Variants in MED27 observed in about 807,000 individuals in gnomAD.
MED27 encodes the protein mediator complex subunit 27.
Under a neutral mutation model 38.2 loss-of-function variants are expected in MED27, and 30 were observed. The ratio of observed to expected loss-of-function variants is 0.79; its 90% CI spans 0.59 to 1.07. The LOEUF (loss-of-function observed/expected upper bound fraction) is 1.07. Among genes scored for constraint, MED27 ranks in the 50% least tolerant of loss-of-function variants. The probability of loss-of-function intolerance (pLI) is 0.00; values close to 1 mark genes in which losing one functional copy is unlikely to be tolerated. For synonymous variants in MED27, 122 were observed against 153.5 expected, an observed-to-expected ratio of 0.79 and a Z score of 1.52; for missense variants, 289 against 397.5, an observed-to-expected ratio of 0.73 and a Z score of 2.32.
intron 3 of MED27, among the ~76,000 whole-genome samples, chr9:131,939,815 T>G (rs1036535327): frequency 2.6e-5 from 4 of 152,136 alleles, no homozygotes; most frequent in African/African-American, 4.8e-5. Context: ...GTCCTGCTGT[T>G]GCGCACCTCC....
At chr9:131,869,942 A>T (rs1264969054) in intron 6 of MED27, among the ~76,000 whole-genome samples, 3 of 152,298 alleles carry the variant, frequency 2.0e-5, no homozygotes, top group African/African-American at 7.2e-5. Flanking sequence ...CTCTCTCAGC[A>T]TATCCAAACC....
At chr9:131,974,512 G>A (rs1042801451) in intron 3 of MED27, among the ~76,000 whole-genome samples, 1 of 152,216 alleles carries the variant, frequency 6.6e-6, no homozygotes, top group Non-Finnish European at 1.5e-5. Context: ...TGTTTTCAGA[G>A]TGAGAAGGGG....
In MED27 at chr9:131,890,943, G is replaced by C. The variant is rs543673713; in HGVS notation, c.681+2942C>G. On this transcript the variant is annotated intron_variant, in intron 5 of 7. Transcript: ENST00000292035. ...TTGTTAGTATTTTTATTAATTGCAA[G>C]ATGGACATGTAAATAATCATGATGC... Among the ~76,000 whole-genome samples, 83 of 152,368 alleles carry C rather than the reference G, an allele frequency of 5.4e-4. 1 individual carries two copies. The highest frequency in any genetic ancestry group is 1.7e-3 in the African/African-American group (72 of 41,584).
chr9:131,860,600 G>A lies in MED27; in HGVS notation c.874C>T (p.Leu292Phe), dbSNP rs201495290. The change falls in exon 8 of 8, where the codon CTT becomes TTT. Residue 292 changes from leucine to phenylalanine, a missense_variant. Physicochemically the swap from Leu to Phe is conservative, Grantham distance 22. Coordinates refer to ENST00000292035, the MANE Select transcript of MED27 (RefSeq NM_004269.4). The surrounding 1 kb of genome is among the most constrained non-coding windows in gnomAD (Gnocchi z 5.8). ...CGGAAATCCCTCCATGTCGGGGGAA[G>A]GCCGTCCTGCAGAAACTTCCCGCAG... ...QRCGKFLQDG[L>F]PPTWRDFRTL... The A allele has an allele frequency of 6.2e-7, 1 of 1,607,406 alleles. No homozygotes were observed. The highest frequency in any genetic ancestry group is 2.2e-5 in the East Asian group (1 of 44,604).
At chr9:131,870,796 T>C (rs563495706) in intron 6 of MED27, among the ~76,000 whole-genome samples, 236 of 152,330 alleles carry the variant, frequency 1.5e-3, no homozygotes, top group Middle Eastern at 0.01. Flanking sequence ...TTATACAATG[T>C]TCCTTCCACC....
At chr9:131,987,096 A>T (rs992571083) in intron 3 of MED27, among the ~76,000 whole-genome samples, 1 of 145,430 alleles carries the variant, frequency 6.9e-6, no homozygotes, top group Non-Finnish European at 1.5e-5. Flanking sequence ...CTTTCCCCCA[A>T]ATTTTGCACT....
chr9:132,009,166 C>T (rs777570476), intron 3 of MED27, among the ~76,000 whole-genome samples: 7 of 152,150 alleles, frequency 4.6e-5, no homozygotes, highest in Admixed American at 2.0e-4. Flanking sequence ...TATTCATCTC[C>T]GAATCCCCAG....
chr9:132,068,471 A>G (rs1426206984), intron 2 of MED27, among the ~76,000 whole-genome samples: 1 of 152,178 alleles, frequency 6.6e-6, no homozygotes, highest in East Asian at 1.9e-4. Context: ...TAGAAAGGGT[A>G]GACTACAGGC....
At chr9:131,887,446 C>T (rs1292495076) in intron 5 of MED27, among the ~76,000 whole-genome samples, 1 of 152,166 alleles carries the variant, frequency 6.6e-6, no homozygotes. Context: ...CCATAGGGCC[C>T]TCTTTTGCTA....
Position 131,861,365 on chromosome 9 carries a change from C to T in MED27, c.802-693G>A, listed in dbSNP as rs910385109. Among the ~76,000 whole-genome samples the T allele has an allele frequency of 6.6e-6, 1 of 152,156 alleles. No homozygotes were observed. Among genetic ancestry groups the T allele is most frequent in the African/African-American group, 2.4e-5 (1 of 41,426 alleles). On this transcript the variant is annotated intron_variant, in intron 7 of 7. Coordinates refer to ENST00000292035, the MANE Select transcript of MED27 (RefSeq NM_004269.4). The surrounding 1 kb of genome is among the most constrained non-coding windows in gnomAD (Gnocchi z 4.4). Reference sequence around the variant, plus strand: ...ACTACCAAAGAAAAAAATACCCAAACGTAAAACAGCAGGCAAGCAAGTTCT... The same window carrying T: ...ACTACCAAAGAAAAAAATACCCAAATGTAAAACAGCAGGCAAGCAAGTTCT...
At chr9:132,062,178 A>C (rs1311334844) in intron 2 of MED27, among the ~76,000 whole-genome samples, 1 of 152,198 alleles carries the variant, frequency 6.6e-6, no homozygotes, top group Non-Finnish European at 1.5e-5. Context: ...GTGTTTTGTT[A>C]GTTTGTTTTC....
At chr9:132,017,560 T>C (rs1321305775) in intron 2 of MED27, among the ~76,000 whole-genome samples, 1 of 152,208 alleles carries the variant, frequency 6.6e-6, no homozygotes, top group Non-Finnish European at 1.5e-5. Flanking sequence ...AGAGAAATGA[T>C]CTATTCTTTT....
intron 2 of MED27, among the ~76,000 whole-genome samples, chr9:132,016,704 T>C (rs1271780051): frequency 6.6e-6 from 1 of 152,206 alleles, no homozygotes; most frequent in African/African-American, 2.4e-5. Context: ...TCCTTTTGGC[T>C]TTCCTCCTTT....
At chr9:131,919,535 T>A (rs1830352492) in intron 4 of MED27, among the ~76,000 whole-genome samples, 1 of 152,128 alleles carries the variant, frequency 6.6e-6, no homozygotes, top group Non-Finnish European at 1.5e-5. Flanking sequence ...CACTTAGTAC[T>A]GTAGCACTGT....
chr9:131,868,750 G>A, intron 6 of MED27: 1 of 985,516 alleles, frequency 1.0e-6, no homozygotes, highest in Non-Finnish European at 1.2e-6. Flanking sequence ...AGATAAAGGT[G>A]CAGGCCCAGG....
chr9:131,967,665 ATTTT>A (rs764682963), intron 3 of MED27, among the ~76,000 whole-genome samples: 1 of 123,026 alleles, frequency 8.1e-6, no homozygotes. Flanking sequence ...CTAATTTTGT[ATTTT>A]TTTTTTTTTT....
At position 131,945,072 on chromosome 9, in the gene MED27, T is replaced by C. The variant is rs1232288653; in HGVS notation, c.480-5598A>G. ...TTCAATAAAGCTACTTTTATTTATA[T>C]ATAAATATATATAAATAATTTTATA... On this transcript the variant is annotated intron_variant, in intron 3 of 7. Coordinates refer to ENST00000292035, the MANE Select transcript of MED27 (RefSeq NM_004269.4). Among the ~76,000 whole-genome samples the C allele has an allele frequency of 3.4e-5, 5 of 146,892 alleles. No individual in the cohort carries two copies. In the East Asian group the frequency reaches 9.8e-4, roughly 29 times the overall value.
chr9:131,984,723 T>C (rs1831812013), intron 3 of MED27, among the ~76,000 whole-genome samples: 1 of 152,216 alleles, frequency 6.6e-6, no homozygotes. Context: ...TCCATCTTGC[T>C]GGTCTGCTGT....
intron 2 of MED27, among the ~76,000 whole-genome samples, chr9:132,052,347 T>C (rs758939139): frequency 5.3e-5 from 8 of 152,224 alleles, no homozygotes; most frequent in Non-Finnish European, 1.2e-4. Context: ...ATCCACGCAG[T>C]AGTGATCTAT....
Sources: gnomAD v4.1 joint callset for allele counts (sites outside exome capture counted in the v4.1 genomes callset) on GRCh38, gnomAD v4.1.1 for gene constraint, Gnocchi (gnomAD v3.1) non-coding constraint, MANE v1.5 for transcripts, NCBI Gene and HGNC (gene_info 2026-07-23, HGNC 2026-07-21) for gene names.